FAM184B: variants seen among roughly 807,000 people sequenced by gnomAD.
The protein encoded by FAM184B is family with sequence similarity 184 member B.
In FAM184B, 111 loss-of-function variants were observed where a neutral mutation model predicts 135.9. The ratio of observed to expected loss-of-function variants is 0.82; its 90% CI spans 0.70 to 0.96. FAM184B has a LOEUF of 0.96. Among genes scored for constraint, FAM184B ranks in the 40% least tolerant of loss-of-function variants. The pLI, the probability that FAM184B is intolerant of heterozygous loss-of-function variation, is 0.00. For missense variants in FAM184B, 1,375 were observed against 1,323.9 expected (o/e 1.04, Z -0.60); for synonymous variants, 552 against 524.8 (o/e 1.05, Z -0.71).
At chr4:17,718,319 TAA>T (rs747829552) in intron 1 of FAM184B, among the ~76,000 whole-genome samples, 1 of 152,086 alleles carries the variant, frequency 6.6e-6, no homozygotes, top group Non-Finnish European at 1.5e-5. Context: ...GGTCCAAAGT[TAA>T]AAGAGTAGAA....
intron 2 of FAM184B, among the ~76,000 whole-genome samples, chr4:17,708,663 C>CTATACATATATATATATATA (rs1228433126): frequency 1.8e-4 from 3 of 16,978 alleles, no homozygotes; most frequent in Non-Finnish European, 3.0e-4. Flanking sequence ...GGAAACAAAA[C>CTATACATATATATATATATA]TATATATATA....
chr4:17,765,689 G>A (rs1329104567), intron 1 of FAM184B, among the ~76,000 whole-genome samples: 1 of 152,204 alleles, frequency 6.6e-6, no homozygotes, highest in East Asian at 1.9e-4. Flanking sequence ...TTGAAATTAT[G>A]TAATTTAACA....
chr4:17,650,739 C>T (rs1262705744), intron 11 of FAM184B, among the ~76,000 whole-genome samples: 4 of 152,162 alleles, frequency 2.6e-5, no homozygotes, highest in African/African-American at 7.2e-5. Flanking sequence ...GGGAAGTCTA[C>T]GAAACTCTTT....
At position 17,773,980 on chromosome 4, in the gene FAM184B, T is replaced by C. The variant is rs1192601835; in HGVS notation, c.141+7179A>G. 2.0e-5 allele frequency among the ~76,000 whole-genome samples: 3 copies of C among 152,260 alleles called. No individual in the cohort carries two copies. The East Asian group carries it at 5.8e-4, about 29-fold the overall frequency. On this transcript the variant is annotated intron_variant, in intron 1 of 17. Coordinates refer to ENST00000265018, the MANE Select transcript of FAM184B (RefSeq NM_015688.2). Reference sequence around the variant, plus strand: ...TCTTCATTAACACTTGTGTTTGGGGTAAGACATTCTATTATTCTTTGAAAA... The same window carrying C: ...TCTTCATTAACACTTGTGTTTGGGGCAAGACATTCTATTATTCTTTGAAAA...
chr4:17,680,122 T>C (rs1716402106), intron 7 of FAM184B, among the ~76,000 whole-genome samples: 2 of 152,186 alleles, frequency 1.3e-5, no homozygotes, highest in African/African-American at 4.8e-5. Flanking sequence ...AAATCAGCAC[T>C]AAAGAACTTA....
intron 17 of FAM184B, chr4:17,633,114 G>A (rs1228498379): frequency 6.4e-6 from 1 of 155,090 alleles, no homozygotes; most frequent in African/African-American, 2.4e-5. Flanking sequence ...GTAGAGATGG[G>A]TTTCACCATG....
chr4:17,683,973 G>A (rs1258423336), intron 7 of FAM184B, among the ~76,000 whole-genome samples: 2 of 151,718 alleles, frequency 1.3e-5, no homozygotes, highest in South Asian at 2.1e-4. Flanking sequence ...CCACTCAGGA[G>A]TCTAGGCAGG....
At chr4:17,652,162 T>C in intron 11 of FAM184B, among the ~76,000 whole-genome samples, 1 of 126,476 alleles carries the variant, frequency 7.9e-6, no homozygotes, top group Non-Finnish European at 1.6e-5. Context: ...TCTTGCACTG[T>C]CGCCCAGGCT....
At position 17,709,541 on chromosome 4, in the gene FAM184B, T is replaced by A; in HGVS notation, c.245A>T (p.Lys82Met). ...EELQNAVAET[K>M]ARLLQEQGCA... is the part of the protein sequence containing the mutation. ...GCCCTGTTCCTGCAGGAGCCTGGCC[T>A]TGGTCTCTGCCACCGCATTCTGGAG... The change falls in exon 2 of 18, where the codon AAG becomes ATG. Residue 82 changes from lysine to methionine, a missense_variant. Physicochemically the swap from Lys to Met is moderately conservative, Grantham distance 95. Transcript: ENST00000265018. The A allele has an allele frequency of 6.4e-7, 1 of 1,550,960 alleles. No individual in the cohort carries two copies. Among genetic ancestry groups the A allele is most frequent in the Non-Finnish European group, 8.7e-7 (1 of 1,146,962 alleles).
chr4:17,765,794 G>A (rs976666408), intron 1 of FAM184B, among the ~76,000 whole-genome samples: 3 of 152,218 alleles, frequency 2.0e-5, no homozygotes, highest in African/African-American at 7.2e-5. Context: ...AGTACTTAAA[G>A]GTGGTGTGTC....
chr4:17,661,413 G>A (rs954395375), intron 8 of FAM184B, among the ~76,000 whole-genome samples: 1 of 152,048 alleles, frequency 6.6e-6, no homozygotes, highest in Non-Finnish European at 1.5e-5. Context: ...TTAGCTTAGT[G>A]TGGTGGCAGC....
chr4:17,635,953 C>T (rs1348228896), intron 15 of FAM184B, among the ~76,000 whole-genome samples: 1 of 152,160 alleles, frequency 6.6e-6, no homozygotes, highest in East Asian at 1.9e-4. Flanking sequence ...CAATTCAAAC[C>T]TAAGCCATTA....
chr4:17,739,800 C>T (rs1717990482), intron 1 of FAM184B, among the ~76,000 whole-genome samples: 1 of 152,012 alleles, frequency 6.6e-6, no homozygotes, highest in South Asian at 2.1e-4. Context: ...AAGTGACCCA[C>T]CTGCCTCAGC....
intron 1 of FAM184B, among the ~76,000 whole-genome samples, chr4:17,767,145 C>T (rs1302996716): frequency 1.3e-5 from 2 of 152,190 alleles, no homozygotes; most frequent in African/African-American, 2.4e-5. Flanking sequence ...TCGCGCTGGC[C>T]CGCGAGGGCT....
In FAM184B at chr4:17,705,596, G is replaced by A. The variant is rs118043300; in HGVS notation, c.1170+156C>T. On this transcript the variant is annotated intron_variant, in intron 4 of 17. Transcript: ENST00000265018. Reference sequence around the variant, plus strand: ...TCCTGGTTTCCAGTAGCATGGAGTAGGCAGTAAGTTGGCTGGAATTCTACT... The same window carrying A: ...TCCTGGTTTCCAGTAGCATGGAGTAAGCAGTAAGTTGGCTGGAATTCTACT... Among the ~76,000 whole-genome samples the A allele has an allele frequency of 2.5e-3, 386 of 152,306 alleles. 7 individuals carry two copies. In the East Asian group the frequency reaches 0.048, roughly 19 times the overall value.
chr4:17,688,329 G>A, intron 7 of FAM184B, 95 bp downstream of exon 7: 1 of 864,110 alleles, frequency 1.2e-6, no homozygotes, highest in Non-Finnish European at 1.8e-6. Context: ...ATGTAAAAGA[G>A]CCCATTAACA....
At chr4:17,668,897 T>C (rs1716112197) in intron 7 of FAM184B, among the ~76,000 whole-genome samples, 1 of 152,246 alleles carries the variant, frequency 6.6e-6, no homozygotes, top group Admixed American at 6.5e-5. Context: ...GGCATTGTTC[T>C]AGGAACACAA....
chr4:17,775,024 G>A (rs571134378), intron 1 of FAM184B, among the ~76,000 whole-genome samples: 2 of 117,280 alleles, frequency 1.7e-5, no homozygotes, highest in African/African-American at 6.7e-5. Flanking sequence ...TTGAGATGGA[G>A]TCTTGCTCTG....
Position 17,660,005 on chromosome 4 carries a change from G to T in FAM184B, c.1777C>A (p.Arg593Ser), listed in dbSNP as rs16895411. The T allele has an allele frequency of 6.4e-7, 1 of 1,551,454 alleles. No homozygotes were observed. The highest frequency in any genetic ancestry group is 2.4e-5 in the East Asian group (1 of 40,916). Reference protein sequence around the residue: ...LLKEKTSKIQRLEEDWQSQKA... With the variant: ...LLKEKTSKIQSLEEDWQSQKA... ...TGGCTTTGCCAGTCCTCCTCTAGAC[G>T]CTGGATTTTGGATGTTTTCTCCTTC... is the stretch of plus-strand genomic sequence containing the variant. The change falls in exon 9 of 18, where the codon CGT becomes AGT. Residue 593 changes from arginine (R) to serine (S), a missense_variant. By Grantham distance (110) the Arg-to-Ser change is moderately radical. Transcript: ENST00000265018.
Sources: gnomAD v4.1 joint callset for allele counts (sites outside exome capture counted in the v4.1 genomes callset) on GRCh38, gnomAD v4.1.1 for gene constraint, MANE v1.5 for transcripts, NCBI Gene and HGNC (gene_info 2026-07-23, HGNC 2026-07-21) for gene names.